HMMR: variants seen among roughly 807,000 people sequenced by gnomAD.
HMMR encodes the protein hyaluronan mediated motility receptor.
HMMR carries 108 observed loss-of-function variants against 101.0 expected under a neutral mutation model. The ratio of observed to expected loss-of-function variants is 1.07; its 90% confidence interval spans 0.92 to 1.25. The LOEUF (loss-of-function observed/expected upper bound fraction) is 1.25, where lower values mean the gene tolerates loss of function less well. Among genes scored for constraint, HMMR ranks in the 50% most tolerant of loss-of-function variants. The pLI, the probability that HMMR is intolerant of heterozygous loss-of-function variation, is 0.00. For synonymous variants in HMMR, 296 were observed against 276.4 expected (o/e 1.07, Z -0.70); for missense variants, 813 against 788.7 (o/e 1.03, Z -0.37).
At chr5:163,487,790 C>CTT (rs1160772880) in intron 16 of HMMR, among the ~76,000 whole-genome samples, 1 of 145,328 alleles carries the variant, frequency 6.9e-6, no homozygotes, top group African/African-American at 2.5e-5. Context: ...TAATTTGAGT[C>CTT]TTTTTTTTTT....
In HMMR at chr5:163,483,046, C is replaced by T. The variant is rs754704222; in HGVS notation, c.1559C>T (p.Ser520Leu). 1.9e-6 allele frequency: 3 copies of T among 1,609,824 alleles called. No homozygotes were observed. The South Asian group carries it at 3.3e-5, about 18-fold the overall frequency. ...VRMLLDLQTK[S>L]ALKETEIKEI... ...ATGCTTCTAGATCTGCAGACCAAGT[C>T]AGCACTAAAGGAAACAGAAATTAAA... Residue 520 changes from serine (S) to leucine (L), a missense_variant, in exon 14 of 18, where the codon TCA becomes TTA. Coordinates refer to ENST00000393915, the MANE Select transcript of HMMR (RefSeq NM_001142556.2).
rs766450749 is a variant in HMMR at position 163,473,205 on chromosome 5, A to C, written c.677A>C (p.Asp226Ala). ...GTTTCAATAGAGAAAGAAAAGATTG[A>C]TGAAAAATCTGAAACAGAAAAACTC... ...KLVSIEKEKIDEKSETEKLLE... is the reference protein window; with the variant it reads ...KLVSIEKEKIAEKSETEKLLE... The change falls in exon 8 of 18, where the codon GAT becomes GCT. Residue 226 changes from aspartate to alanine, a missense_variant. Transcript: ENST00000393915. 6.4e-7 allele frequency: 1 copy of C among 1,564,088 alleles called. No homozygotes were observed. The highest frequency in any genetic ancestry group is 1.1e-5 in the South Asian group (1 of 89,308).
chr5:163,469,253 A>G (rs1174519961), intron 4 of HMMR, among the ~76,000 whole-genome samples: 1 of 151,464 alleles, frequency 6.6e-6, no homozygotes, highest in Non-Finnish European at 1.5e-5. Flanking sequence ...AGTCCCAGCT[A>G]TTCGGGAGGC....
intron 16 of HMMR, among the ~76,000 whole-genome samples, chr5:163,486,107 G>A (rs1759468679): frequency 6.6e-6 from 1 of 152,082 alleles, no homozygotes. Flanking sequence ...TTTCAATATG[G>A]TTTTGTCTAT....
Position 163,473,233 on chromosome 5 carries a change from G to T in HMMR, c.705G>T (p.Leu235Phe). 1.9e-6 allele frequency: 3 copies of T among 1,575,198 alleles called. No individual in the cohort carries two copies. Among genetic ancestry groups the T allele is most frequent in the South Asian group, 2.2e-5 (2 of 89,364 alleles). Residue 235 changes from leucine (L) to phenylalanine (F), a missense_variant, in exon 8 of 18, where the codon TTG (leucine) becomes TTT (phenylalanine). Physicochemically the swap from Leu to Phe is conservative, Grantham distance 22. Transcript: ENST00000393915. ...AAAAATCTGAAACAGAAAAACTCTT[G>T]GAATACATCGAAGAAATTAGGTAAT... ...IDEKSETEKL[L>F]EYIEEISCAS...
intron 3 of HMMR, among the ~76,000 whole-genome samples, chr5:163,465,884 C>T (rs1332809965): frequency 6.6e-6 from 1 of 150,880 alleles, no homozygotes; most frequent in Non-Finnish European, 1.5e-5. Flanking sequence ...TTGCTTGAAC[C>T]TGGGAGGCAG....
intron 4 of HMMR, 124 bp downstream of exon 4, chr5:163,467,872 A>G (rs1758752147): frequency 1.7e-6 from 1 of 600,252 alleles, no homozygotes; most frequent in East Asian, 3.2e-5. Context: ...GCCATCCAGA[A>G]CAGTGCCTAC....
chr5:163,478,553 C>A, intron 11 of HMMR, 131 bp from the exon 12 acceptor site: 1 of 617,612 alleles, frequency 1.6e-6, no homozygotes, highest in South Asian at 2.0e-5. Context: ...AGGATCTGAG[C>A]TATTTAGCAG....
chr5:163,466,907 G>C (rs1758724491), intron 3 of HMMR, among the ~76,000 whole-genome samples: 1 of 152,192 alleles, frequency 6.6e-6, no homozygotes, highest in African/African-American at 2.4e-5. Context: ...TGATGTAAGT[G>C]GTTTGACTTA....
At chr5:163,469,180 T>C (rs1433972721) in intron 4 of HMMR, among the ~76,000 whole-genome samples, 2 of 151,076 alleles carry the variant, frequency 1.3e-5, no homozygotes, top group African/African-American at 2.4e-5. Context: ...CTGGCTAATA[T>C]GGTGAAACCC....
chr5:163,470,784 G>T (rs559477524), intron 5 of HMMR, among the ~76,000 whole-genome samples: 1 of 152,154 alleles, frequency 6.6e-6, no homozygotes, highest in Middle Eastern at 3.2e-3. Context: ...GAGGCCAGGA[G>T]TTTGAGACCA....
intron 12 of HMMR, among the ~76,000 whole-genome samples, chr5:163,480,801 TATC>T (rs1268320258): frequency 6.6e-6 from 1 of 152,186 alleles, no homozygotes; most frequent in Non-Finnish European, 1.5e-5. Flanking sequence ...TCTATAGGGT[TATC>T]ATCTTTTCCT....
Position 163,460,738 on chromosome 5 carries a change from G to T in HMMR, c.46G>T (p.Gly16Cys). The T allele has an allele frequency of 6.2e-7, 1 of 1,606,930 alleles. No homozygotes were observed. ...APLKRFNDPSGCAPSPGAYDV... is the reference protein window; with the variant it reads ...APLKRFNDPSCCAPSPGAYDV... The stretch of plus-strand genomic sequence containing the variant: ...CTTGAAACGATTCAATGACCCTTCT[G>T]GTGCGTAAGGGGGAAAGAGCTGGGG... Residue 16 changes from glycine (G) to cysteine (C), a missense_variant and splice_region_variant, in exon 1 of 18, where the codon GGT becomes TGT. Gly to Cys is a radical substitution (Grantham distance 159). Coordinates refer to ENST00000393915, the MANE Select transcript of HMMR (RefSeq NM_001142556.2).
At chr5:163,489,421 T>A (rs1296407684) in intron 16 of HMMR, 4 of 152,472 alleles carry the variant, frequency 2.6e-5, no homozygotes, top group African/African-American at 9.7e-5. Flanking sequence ...TTTTATGGCC[T>A]ACTTGTCTTT....
At chr5:163,472,642 G>C (rs989945909) in intron 7 of HMMR, among the ~76,000 whole-genome samples, 3 of 152,194 alleles carry the variant, frequency 2.0e-5, no homozygotes, top group African/African-American at 7.2e-5. Flanking sequence ...TAGGTAGGAA[G>C]TGGTATCTCC....
In HMMR at chr5:163,478,691, G is replaced by A; in HGVS notation, c.1276G>A (p.Ala426Thr). The change falls in exon 12 of 18, where the codon GCT (alanine) becomes ACT (threonine). Residue 426 changes from alanine (A) to threonine (T), a missense_variant. Transcript: ENST00000393915. Reference protein sequence around the residue: ...LLEEKLKGKEAELEKSSAAHT... With the variant: ...LLEEKLKGKETELEKSSAAHT... Reference sequence around the variant, plus strand: ...ATTATTTCTTTTTCTTAGGAAGGAGGCTGAACTGGAGAAAAGTAGTGCTGC... The same window carrying A: ...ATTATTTCTTTTTCTTAGGAAGGAGACTGAACTGGAGAAAAGTAGTGCTGC... 6.2e-7 allele frequency: 1 copy of A among 1,601,912 alleles called. No homozygotes were observed.
chr5:163,488,547 A>T (rs1018058834), intron 16 of HMMR, among the ~76,000 whole-genome samples: 4 of 152,124 alleles, frequency 2.6e-5, no homozygotes, highest in South Asian at 4.1e-4. Flanking sequence ...AGGGAAACAT[A>T]TCCCACTACC....
intron 1 of HMMR, among the ~76,000 whole-genome samples, chr5:163,462,329 C>T (rs1758565893): frequency 6.6e-6 from 1 of 151,016 alleles, no homozygotes; most frequent in South Asian, 2.1e-4. Flanking sequence ...TATTCCAGTA[C>T]TCCAGCCTGG....
intron 4 of HMMR, among the ~76,000 whole-genome samples, chr5:163,468,502 C>G (rs1473627021): frequency 6.6e-6 from 1 of 152,122 alleles, no homozygotes; most frequent in Non-Finnish European, 1.5e-5. Context: ...AACTCTTTTC[C>G]TCATGGATAT....
Sources: gnomAD v4.1 joint callset for allele counts (sites outside exome capture counted in the v4.1 genomes callset) on GRCh38, gnomAD v4.1.1 for gene constraint, MANE v1.5 for transcripts, NCBI Gene and HGNC (gene_info 2026-07-23, HGNC 2026-07-21) for gene names.